The following PDE10A variants were observed in gnomAD, a reference collection of about 807,000 sequenced individuals.
PDE10A encodes the protein phosphodiesterase 10A.
Under a neutral mutation model 97.7 loss-of-function variants are expected in PDE10A, and 39 were observed. The ratio of observed to expected loss-of-function variants is 0.40; its 90% CI spans 0.31 to 0.52. The LOEUF is 0.52. PDE10A is among the 20% of genes least tolerant of loss of function. The probability of loss-of-function intolerance (pLI) is 0.56; values close to 1 mark genes in which losing one functional copy is unlikely to be tolerated. For missense variants in PDE10A, 731 were observed against 1,047.8 expected, an observed-to-expected ratio of 0.70 and a Z score of 4.17; for synonymous variants, 371 against 376.8, an observed-to-expected ratio of 0.98 and a Z score of 0.18.
rs568344034 is a variant in PDE10A at position 165,562,529 on chromosome 6, TTTGA to T, written c.866-18965_866-18962del. Among the ~76,000 whole-genome samples, 629 of 152,240 alleles carry T rather than the reference TTTGA, an allele frequency of 4.1e-3. 5 individuals carry two copies. The highest frequency in any genetic ancestry group is 5.0e-3 in the Non-Finnish European group (339 of 68,014). On this transcript the variant is annotated intron_variant, in intron 1 of 21. Transcript: ENST00000539869. ...GCAACTAACAATTCTTCAAGACATG[TTTGA>T]TTATTTTTTTTTGTTTAGCATCTAC...
At chr6:165,419,572 T>G (rs1379988270) in intron 10 of PDE10A, among the ~76,000 whole-genome samples, 1 of 152,236 alleles carries the variant, frequency 6.6e-6, no homozygotes, top group East Asian at 1.9e-4. Context: ...AATATGCTTT[T>G]CCATTTCTAA....
At chr6:165,629,779 C>T (rs559906388) in intron 1 of PDE10A, among the ~76,000 whole-genome samples, 1 of 152,282 alleles carries the variant, frequency 6.6e-6, no homozygotes, top group South Asian at 2.1e-4. Context: ...GGTGATCTGC[C>T]TGCCTCAGCC....
intron 1 of PDE10A, among the ~76,000 whole-genome samples, chr6:165,856,940 A>G (rs1198974607): frequency 6.6e-6 from 1 of 152,220 alleles, no homozygotes; most frequent in African/African-American, 2.4e-5. Context: ...TAGACCTTCC[A>G]ACTAAAAATC....
At chr6:165,490,569 T>G (rs1160710848) in intron 2 of PDE10A, among the ~76,000 whole-genome samples, 1 of 152,058 alleles carries the variant, frequency 6.6e-6, no homozygotes, top group African/African-American at 2.4e-5. Flanking sequence ...ATTAAATAAA[T>G]AGCAGGGCGA....
At chr6:165,512,510 C>T (rs1361619790) in intron 2 of PDE10A, among the ~76,000 whole-genome samples, 1 of 151,942 alleles carries the variant, frequency 6.6e-6, no homozygotes, top group African/African-American at 2.4e-5. Flanking sequence ...TGGTCTTCTG[C>T]TGAGAAATCC....
At chr6:165,545,589 A>T (rs1783698689) in intron 1 of PDE10A, among the ~76,000 whole-genome samples, 1 of 152,158 alleles carries the variant, frequency 6.6e-6, no homozygotes, top group Non-Finnish European at 1.5e-5. Flanking sequence ...ATAAGAAAAC[A>T]ATCAACCCAA....
Position 165,856,163 on chromosome 6 carries a change from G to A in PDE10A, c.-615+131366C>T, listed in dbSNP as rs1408746795. Among the ~76,000 whole-genome samples the A allele has an allele frequency of 7.9e-5, 12 of 152,306 alleles. No homozygotes were observed. In the East Asian group the frequency reaches 2.1e-3, roughly 27 times the overall value. ...CTGTTGTGGAAATTGTGCTGGAGAG[G>A]AGGACTGATGCTTAGACCCAGTGGA... On this transcript the variant is annotated intron_variant, in intron 1 of 19. Coordinates refer to the PDE10A transcript ENST00000366882.
At position 165,379,255 on chromosome 6, in the gene PDE10A, T is replaced by C. The variant is rs1215921632; in HGVS notation, c.2722A>G (p.Arg908Gly). The change falls in exon 18 of 22, where the codon AGG (arginine) becomes GGG (glycine). Residue 908 changes from arginine (R) to glycine (G), a missense_variant. Physicochemically the swap from Arg to Gly is moderately radical, Grantham distance 125. Coordinates refer to ENST00000539869, the MANE Select transcript of PDE10A (RefSeq NM_001385079.1). ...TGGTACATCTCTTCCAACTGCTTCC[T>C]GTTTCCAAAGTATAAAGCAAGGTCT... is the stretch of plus-strand genomic sequence containing the variant. ...ATDLALYFGNRKQLEEMYQTG... is the reference protein window; with the variant it reads ...ATDLALYFGNGKQLEEMYQTG... The C allele has an allele frequency of 1.2e-6, 2 of 1,613,724 alleles. No individual in the cohort carries two copies. The highest frequency in any genetic ancestry group is 1.7e-6 in the Non-Finnish European group (2 of 1,179,758).
intron 18 of PDE10A, among the ~76,000 whole-genome samples, chr6:165,372,658 G>T (rs905244939): frequency 3.3e-5 from 5 of 150,012 alleles, no homozygotes; most frequent in Non-Finnish European, 7.4e-5. Flanking sequence ...ACTGCCCAAG[G>T]TAATTTATAG....
At chr6:165,521,965 T>C (rs555300177) in intron 2 of PDE10A, among the ~76,000 whole-genome samples, 1 of 152,308 alleles carries the variant, frequency 6.6e-6, no homozygotes, top group Admixed American at 6.5e-5. Flanking sequence ...TGAGCATAAT[T>C]TCCTCAAGGT....
intron 21 of PDE10A, among the ~76,000 whole-genome samples, chr6:165,335,518 G>C (rs376260425): frequency 1.3e-5 from 2 of 152,194 alleles, no homozygotes; most frequent in African/African-American, 4.8e-5. Flanking sequence ...ACATACTGTG[G>C]CTGTACGAGT....
intron 2 of PDE10A, among the ~76,000 whole-genome samples, chr6:165,496,010 T>A (rs990645137): frequency 5.9e-5 from 9 of 151,800 alleles, no homozygotes; most frequent in Admixed American, 5.2e-4. Flanking sequence ...TAAGGGGAAT[T>A]GGAAGGCAAT....
chr6:165,577,847 T>C (rs1435834144), intron 1 of PDE10A, among the ~76,000 whole-genome samples: 2 of 152,174 alleles, frequency 1.3e-5, no homozygotes, highest in Non-Finnish European at 1.5e-5. Flanking sequence ...GACGGGAAAC[T>C]TCCTACAGCT....
intron 1 of PDE10A, among the ~76,000 whole-genome samples, chr6:165,559,114 G>T (rs994924800): frequency 6.6e-6 from 1 of 152,188 alleles, no homozygotes; most frequent in Admixed American, 6.5e-5. Context: ...AAAGTTTCTA[G>T]CTTAGGTAAT....
At chr6:165,575,397 T>G (rs1270341854) in intron 1 of PDE10A, among the ~76,000 whole-genome samples, 1 of 152,218 alleles carries the variant, frequency 6.6e-6, no homozygotes, top group Non-Finnish European at 1.5e-5. Flanking sequence ...CTTTTGTTAC[T>G]CAGAGGATCC....
At chr6:165,878,951 G>A (rs1015247837) in intron 1 of PDE10A, among the ~76,000 whole-genome samples, 6 of 152,148 alleles carry the variant, frequency 3.9e-5, no homozygotes, top group African/African-American at 1.2e-4. Context: ...ATTTTAGCCC[G>A]GTGAGACCCA....
In PDE10A at chr6:165,678,778, T is replaced by A. The variant is rs1317447459; in HGVS notation, c.-614-135210A>T. ...GCTCTTACCAAAAAAGAAAAAAATA[T>A]CTTTTTGAATGATAAATGAGCATGC... On this transcript the variant is annotated intron_variant, in intron 1 of 19. Coordinates refer to the PDE10A transcript ENST00000366882. Among the ~76,000 whole-genome samples, 9 of 152,302 alleles carry A rather than the reference T, an allele frequency of 5.9e-5. No homozygotes were observed. In the Middle Eastern group the frequency reaches 0.014, roughly 230 times the overall value.
Position 165,388,241 on chromosome 6 carries a change from T to A in PDE10A, c.2610+57A>T. ...ATCTTCCTTTTCCACCTATGAAGTA[T>A]CCCTATCTCCCAGACAGCCCTTCAG... On this transcript the variant is annotated intron_variant, in intron 17 of 21. Coordinates refer to ENST00000539869, the MANE Select transcript of PDE10A (RefSeq NM_001385079.1). This position sits in a 1 kb window ranked among gnomAD's most constrained non-coding sequence, Gnocchi z 4.0. The A allele has an allele frequency of 6.6e-7, 1 of 1,524,080 alleles. No homozygotes were observed. The highest frequency in any genetic ancestry group is 1.7e-5 in the Admixed American group (1 of 59,340). 94.4% of individuals were successfully genotyped at this position (1,524,080 alleles called of 1,614,324 possible).
chr6:165,682,578 C>T (rs936028323), intron 1 of PDE10A, among the ~76,000 whole-genome samples: 2 of 152,174 alleles, frequency 1.3e-5, no homozygotes, highest in African/African-American at 4.8e-5. Flanking sequence ...CCCTTTGCCT[C>T]TCTGCCATGT....
Sources: allele counts gnomAD v4.1 joint callset (sites outside exome capture counted in the v4.1 genomes callset), GRCh38; gene constraint gnomAD v4.1.1; non-coding constraint Gnocchi (gnomAD v3.1); transcripts MANE v1.5; gene names NCBI Gene and HGNC (gene_info 2026-07-23, HGNC 2026-07-21).